RASSF3: variants seen among roughly 807,000 people sequenced by gnomAD.
RASSF3 encodes ras association domain-containing protein 3.
Under a neutral mutation model 19.9 loss-of-function variants are expected in RASSF3, and 19 were observed. The observed-to-expected ratio is 0.96, with a 90% CI of 0.67 to 1.40. The LOEUF is 1.40. RASSF3 is among the 40% of genes most tolerant of loss of function. RASSF3 has a pLI of 0.00. For missense variants in RASSF3, 306 were observed against 289.8 expected (o/e 1.06, Z -0.41); for synonymous variants, 110 against 104.2 (o/e 1.06, Z -0.34).
In RASSF3 at chr12:64,510,090, CAAAAAAA is replaced by C. The variant is rs67684990; in HGVS notation, c.169+2772_169+2778del. 4.9e-3 allele frequency among the ~76,000 whole-genome samples: 527 copies of C among 107,308 alleles called. 11 individuals carry two copies. Among genetic ancestry groups the C allele is most frequent in the Non-Finnish European group, 2.5e-3 (117 of 46,510 alleles). 70.4% of individuals were successfully genotyped at this position (107,308 alleles called of 152,430 possible). ...TGGGCGACAGAGTGAAACTCCATCT[CAAAAAAA>C]AAAAAAAAAATTTCTGTTGAAATAT... On this transcript the variant is annotated intron_variant, in intron 1 of 5. Transcript: ENST00000637125.
chr12:64,572,626 C>T (rs1347291930), intron 2 of RASSF3, among the ~76,000 whole-genome samples: 2 of 151,970 alleles, frequency 1.3e-5, no homozygotes, highest in South Asian at 2.1e-4. Flanking sequence ...GCACAGAGCT[C>T]GGCATATGAT....
chr12:64,541,742 C>G (rs1379038898), downstream of RASSF3: 3 of 398,292 alleles, frequency 7.5e-6, no homozygotes, highest in Non-Finnish European at 1.3e-5. Context: ...TCGTGCGTTT[C>G]GGTCACTCCC....
At chr12:64,529,025 G>T (rs1430406457), upstream of RASSF3, among the ~76,000 whole-genome samples, 1 of 152,184 alleles carries the variant, frequency 6.6e-6, no homozygotes, top group Non-Finnish European at 1.5e-5. Context: ...TAGAGAAAAT[G>T]CTTAATACAA....
chr12:64,575,338 G>A (rs1869578473), intron 2 of RASSF3, among the ~76,000 whole-genome samples: 1 of 152,262 alleles, frequency 6.6e-6, no homozygotes, highest in South Asian at 2.1e-4. Context: ...CAGATCATGA[G>A]GTCAGGAGAT....
At chr12:64,540,134 G>A (rs1868910453) in intron 1 of RASSF3, among the ~76,000 whole-genome samples, 1 of 152,134 alleles carries the variant, frequency 6.6e-6, no homozygotes, top group East Asian at 1.9e-4. Flanking sequence ...TGAGATAGTT[G>A]GCAGGCTAAT....
chr12:64,607,403 T>C (rs761871335), upstream of RASSF3, among the ~76,000 whole-genome samples: 12 of 152,322 alleles, frequency 7.9e-5, no homozygotes, highest in Non-Finnish European at 1.5e-4. Context: ...AGAGTCTCCC[T>C]GTGTCGCCCA....
At chr12:64,613,517 C>G (rs1196969797) in intron 1 of RASSF3, among the ~76,000 whole-genome samples, 1 of 151,960 alleles carries the variant, frequency 6.6e-6, no homozygotes, top group Non-Finnish European at 1.5e-5. Flanking sequence ...TCTTGCCAGG[C>G]AAGGGAACAT....
At chr12:64,610,797 C>T (rs1013591567) in intron 1 of RASSF3, 54 bp downstream of exon 1, 6 of 1,144,276 alleles carry the variant, frequency 5.2e-6, no homozygotes, top group African/African-American at 1.6e-5. Context: ...CCGGGGAACC[C>T]GCCAGCCCGC....
At chr12:64,513,045 T>C (rs1340277010) in intron 1 of RASSF3, among the ~76,000 whole-genome samples, 1 of 152,064 alleles carries the variant, frequency 6.6e-6, no homozygotes, top group African/African-American at 2.4e-5. Context: ...ACAGAAGCTC[T>C]CCCGAAGCAA....
At chr12:64,584,782 G>C (rs1307626464) in intron 2 of RASSF3, among the ~76,000 whole-genome samples, 1 of 151,950 alleles carries the variant, frequency 6.6e-6, no homozygotes, top group African/African-American at 2.4e-5. Flanking sequence ...AGCAAATTTC[G>C]GGGGAGAGGG....
At chr12:64,540,572 A>G (rs1353933446) in intron 1 of RASSF3, among the ~76,000 whole-genome samples, 1 of 152,218 alleles carries the variant, frequency 6.6e-6, no homozygotes, top group Non-Finnish European at 1.5e-5. Flanking sequence ...GAATAAACAA[A>G]ATGTGTTACA....
intron 1 of RASSF3, among the ~76,000 whole-genome samples, chr12:64,525,921 C>A (rs1868576462): frequency 1.5e-5 from 2 of 137,026 alleles, no homozygotes; most frequent in African/African-American, 4.9e-5. Context: ...GTCCCAAAGG[C>A]TGCAAAGAGT....
At chr12:64,618,294 A>C (rs1870621847) in intron 1 of RASSF3, among the ~76,000 whole-genome samples, 1 of 152,082 alleles carries the variant, frequency 6.6e-6, no homozygotes, top group Admixed American at 6.6e-5. Context: ...TTTGGCTATC[A>C]GTAGTGTTGT....
At chr12:64,580,590 A>G (rs1224748131) in intron 2 of RASSF3, among the ~76,000 whole-genome samples, 1 of 151,450 alleles carries the variant, frequency 6.6e-6, no homozygotes, top group East Asian at 1.9e-4. Context: ...ACACACACAC[A>G]CACACACACA....
chr12:64,602,627 G>A (rs1870112649), intron 2 of RASSF3, among the ~76,000 whole-genome samples: 1 of 151,564 alleles, frequency 6.6e-6, no homozygotes, highest in African/African-American at 2.4e-5. Context: ...TCAGCTCGGA[G>A]CAGTGGCACA....
At chr12:64,539,113 G>C (rs1019659804) in intron 1 of RASSF3, among the ~76,000 whole-genome samples, 1 of 152,146 alleles carries the variant, frequency 6.6e-6, no homozygotes, top group Non-Finnish European at 1.5e-5. Flanking sequence ...CACAGAAAGA[G>C]TAATTTAAAA....
At chr12:64,509,557 C>A (rs1374152201) in intron 1 of RASSF3, among the ~76,000 whole-genome samples, 1 of 152,194 alleles carries the variant, frequency 6.6e-6, no homozygotes, top group Non-Finnish European at 1.5e-5. Flanking sequence ...TTATCTAATT[C>A]TTGGTCTGCT....
chr12:64,624,914 G>A (rs1009593399), intron 1 of RASSF3, among the ~76,000 whole-genome samples: 2 of 151,374 alleles, frequency 1.3e-5, no homozygotes, highest in Non-Finnish European at 2.9e-5. Flanking sequence ...CGATCTGCCC[G>A]CCTCGGCCTC....
chr12:64,546,969 A>G (rs573806122), intron 2 of RASSF3, among the ~76,000 whole-genome samples: 1 of 152,152 alleles, frequency 6.6e-6, no homozygotes, highest in South Asian at 2.1e-4. Flanking sequence ...TTTGATATGG[A>G]GAGGACATTG....
Sources: gnomAD v4.1 joint callset for allele counts (sites outside exome capture counted in the v4.1 genomes callset) on GRCh38, gnomAD v4.1.1 for gene constraint, MANE v1.5 for transcripts, NCBI Gene and HGNC (gene_info 2026-07-23, HGNC 2026-07-21) for gene names.